The following KCNQ2 variants were observed in gnomAD, a reference collection of about 807,000 sequenced individuals.
KCNQ2 encodes the protein potassium voltage-gated channel subfamily Q member 2.
KCNQ2 carries 14 observed loss-of-function variants against 84.8 expected under a neutral mutation model. The observed-to-expected ratio is 0.17, with a 90% confidence interval of 0.11 to 0.26. The LOEUF is 0.26. Among genes scored for constraint, KCNQ2 ranks in the 10% least tolerant of loss-of-function variants. KCNQ2 has a pLI of 1.00. For missense variants in KCNQ2, 788 were observed against 1,254.0 expected (o/e 0.63, Z 5.61); for synonymous variants, 599 against 554.1 (o/e 1.08, Z -1.14).
At chr20:63,413,946 C>T (rs928261949) in intron 14 of KCNQ2, 142 bp downstream of exon 14, 3 of 696,002 alleles carry the variant, frequency 4.3e-6, no homozygotes, top group Non-Finnish European at 7.7e-6. Flanking sequence ...CAGGTCCACC[C>T]GTGTCTTAGC....
intron 1 of KCNQ2, among the ~76,000 whole-genome samples, chr20:63,455,082 T>C (rs575338558): frequency 6.6e-6 from 1 of 152,090 alleles, no homozygotes; most frequent in South Asian, 2.1e-4. Context: ...AGAGACTTCC[T>C]ACGGGAGAAT....
At chr20:63,421,259 C>T (rs547945645) in intron 11 of KCNQ2, among the ~76,000 whole-genome samples, 8 of 152,294 alleles carry the variant, frequency 5.3e-5, no homozygotes, top group African/African-American at 1.7e-4. Flanking sequence ...ACTGAAGCTC[C>T]GGCTGTCGCC....
At chr20:63,449,673 G>A (rs575261148) in intron 1 of KCNQ2, among the ~76,000 whole-genome samples, 5 of 152,298 alleles carry the variant, frequency 3.3e-5, no homozygotes, top group East Asian at 1.9e-4. Context: ...ACCAAAGGCC[G>A]AGCTCCACAG....
At chr20:63,437,444 T>C (rs1203832443) in intron 7 of KCNQ2, 1 of 152,208 alleles carries the variant, frequency 6.6e-6, no homozygotes, top group Non-Finnish European at 1.5e-5. Flanking sequence ...TAGTGGAAGA[T>C]AAATACACAC....
At position 63,446,749 on chromosome 20, in the gene KCNQ2, G is replaced by A. The variant is rs1381622639; in HGVS notation, c.385C>T (p.Leu129=). 1.2e-6 allele frequency: 2 copies of A among 1,612,378 alleles called. No individual in the cohort carries two copies. Among genetic ancestry groups the A allele is most frequent in the African/African-American group, 2.7e-5 (2 of 74,878 alleles). Residue 129 remains leucine (L), a splice_region_variant and synonymous_variant, in exon 2 of 17, where the codon CTG becomes TTG. Transcript: ENST00000359125. This position sits in a 1 kb window ranked among gnomAD's most constrained non-coding sequence, Gnocchi z 5.5. The part of the protein sequence containing the change: ...EKSSEGALYI[L]EIVTIVVFGV... ...CCCCGCCCTCCCTCGGGGCTCACCA[G>A]GATGTAGAGGGCCCCCTCCGAGCTC...
intron 4 of KCNQ2, among the ~76,000 whole-genome samples, chr20:63,443,370 TCACCACCATCATCAC>T (rs2081306126): frequency 2.6e-5 from 1 of 38,408 alleles, no homozygotes; most frequent in Admixed American, 2.4e-4. Flanking sequence ...ATCACCATCA[TCACCACCATCATCAC>T]CACCACCATC....
At chr20:63,436,828 A>G (rs536668823) in intron 7 of KCNQ2, among the ~76,000 whole-genome samples, 154 of 145,028 alleles carry the variant, frequency 1.1e-3, no homozygotes, top group African/African-American at 3.7e-3. Context: ...CCAGGCTGGA[A>G]TGCAGTGGCG....
At position 63,472,637 on chromosome 20, in the gene KCNQ2, C is replaced by G. The variant is rs1037508464; in HGVS notation, c.-174G>C. ...CGGAGACGCTGCGGCCACCTCGCTCCGCGCGCACCTCGGCGCCTGGCCCGC... is the reference window on the plus strand; with the variant it reads ...CGGAGACGCTGCGGCCACCTCGCTCGGCGCGCACCTCGGCGCCTGGCCCGC... On this transcript the variant is annotated 5_prime_UTR_variant, in exon 1 of 17. Transcript: ENST00000359125. 16 of 276,874 alleles carry G rather than the reference C, an allele frequency of 5.8e-5. No homozygotes were observed. The highest frequency in any genetic ancestry group is 8.1e-5 in the Non-Finnish European group (15 of 186,088). 17.2% of individuals were successfully genotyped at this position (276,874 alleles called of 1,614,324 possible).
At chr20:63,448,825 T>G (rs1021052457) in intron 1 of KCNQ2, among the ~76,000 whole-genome samples, 15 of 151,932 alleles carry the variant, frequency 9.9e-5, no homozygotes, top group Non-Finnish European at 1.9e-4. Flanking sequence ...GCCACAGGCA[T>G]GGGCATCCTG....
chr20:63,428,520 C>T, intron 9 of KCNQ2, 85 bp from the exon 10 acceptor site: 2 of 1,165,928 alleles, frequency 1.7e-6, no homozygotes, highest in Non-Finnish European at 2.5e-6. Flanking sequence ...GCTCCATGGG[C>T]AGGCGCCTGC....
intron 4 of KCNQ2, among the ~76,000 whole-genome samples, chr20:63,443,271 CCACCAT>C (rs1371053495): frequency 9.0e-4 from 21 of 23,362 alleles, no homozygotes; most frequent in African/African-American, 1.8e-3. Context: ...ACCATCATCA[CCACCAT>C]CACCATCACC....
At chr20:63,447,189 A>T (rs2081456264) in intron 1 of KCNQ2, among the ~76,000 whole-genome samples, 2 of 152,220 alleles carry the variant, frequency 1.3e-5, no homozygotes, top group South Asian at 4.2e-4. Context: ...ACTCTCAGTC[A>T]AATGGGAACA....
chr20:63,424,357 C>G (rs368911314), intron 10 of KCNQ2, 151 bp from the exon 11 acceptor site: 7 of 900,120 alleles, frequency 7.8e-6, no homozygotes, highest in African/African-American at 1.7e-5. Flanking sequence ...GCTGGCCCAC[C>G]CACCCCAGAG....
At position 63,438,005 on chromosome 20, in the gene KCNQ2, T is replaced by C. The variant is rs967477846; in HGVS notation, c.1023+620A>G. The stretch of plus-strand genomic sequence containing the variant: ...TTGTATTTTTAGGAGAGACAGGGTT[T>C]CACCATGTTGGCCAGGCTGGTCTTG... On this transcript the variant is annotated intron_variant, in intron 7 of 16. Transcript: ENST00000359125. The surrounding 1 kb of genome is among the most constrained non-coding windows in gnomAD (Gnocchi z 5.1). 1.3e-5 allele frequency among the ~76,000 whole-genome samples: 2 copies of C among 152,208 alleles called. No homozygotes were observed. The highest frequency in any genetic ancestry group is 4.8e-5 in the African/African-American group (2 of 41,452).
intron 1 of KCNQ2, among the ~76,000 whole-genome samples, chr20:63,452,360 C>T (rs1196366205): frequency 1.3e-5 from 2 of 152,228 alleles, no homozygotes; most frequent in Non-Finnish European, 2.9e-5. Flanking sequence ...TTCCATGTTG[C>T]GGTCTTGAGG....
At position 63,425,754 on chromosome 20, in the gene KCNQ2, C is replaced by T. The variant is rs114294579; in HGVS notation, c.1218-1548G>A. Among the ~76,000 whole-genome samples, 1,062 of 152,170 alleles carry T rather than the reference C, an allele frequency of 7.0e-3. 14 individuals are homozygous for T. The highest frequency in any genetic ancestry group is 0.024 in the African/African-American group (1,012 of 41,540). ...AAAAAGAAATCCCACCCATTCAAAACGTCCCAAATCCCATCCTCTGAAGTC... is the reference window on the plus strand; with the variant it reads ...AAAAAGAAATCCCACCCATTCAAAATGTCCCAAATCCCATCCTCTGAAGTC... On this transcript the variant is annotated intron_variant, in intron 10 of 16. Coordinates refer to ENST00000359125, the MANE Select transcript of KCNQ2 (RefSeq NM_172107.4). This position sits in a 1 kb window ranked among gnomAD's most constrained non-coding sequence, Gnocchi z 5.5.
In KCNQ2 at chr20:63,407,273, G is replaced by A. The variant is rs750771162; in HGVS notation, c.1990C>T (p.Pro664Ser). The change falls in exon 17 of 17, where the codon CCG (proline) becomes TCG (serine). Residue 664 changes from proline to serine, a missense_variant. Around this residue, in one of 8 missense-constraint regions of KCNQ2, gnomAD observed 378 missense variants for 434.5 expected, o/e 0.87. Coordinates refer to ENST00000359125, the MANE Select transcript of KCNQ2 (RefSeq NM_172107.4). The surrounding 1 kb of genome is among the most constrained non-coding windows in gnomAD (Gnocchi z 7.2). ...CTGTGGTACGGCGGCGCCGGCTCCG[G>A]CTCTTTGGCCCCAAAGTAGGCCTCG... ...ETEAYFGAKE[P>S]EPAPPYHSPE... 6.3e-7 allele frequency: 1 copy of A among 1,596,256 alleles called. No individual in the cohort carries two copies. The highest frequency in any genetic ancestry group is 1.1e-5 in the South Asian group (1 of 90,998).
chr20:63,412,184 G>C (rs2080140061), intron 15 of KCNQ2: 1 of 344,628 alleles, frequency 2.9e-6, no homozygotes, highest in African/African-American at 2.2e-5. Context: ...GCCGGTACCA[G>C]ACAGGCCGCG....
chr20:63,428,363 T>C lies in KCNQ2; in HGVS notation c.1217+4A>G. On this transcript the variant is annotated splice_donor_region_variant and intron_variant, in intron 10 of 16. Transcript: ENST00000359125. ...CCCGCCCCACCTGGAGCTCCCCAGC[T>C]GACCTGAAAGCGAGTCCAGATTTAC... The C allele has an allele frequency of 3.8e-6, 6 of 1,563,636 alleles. No homozygotes were observed. Among genetic ancestry groups the C allele is most frequent in the Non-Finnish European group, 5.2e-6 (6 of 1,153,336 alleles).
Sources: allele counts gnomAD v4.1 joint callset (sites outside exome capture counted in the v4.1 genomes callset), GRCh38; gene constraint gnomAD v4.1.1; regional missense constraint gnomAD v4.1.1; non-coding constraint Gnocchi (gnomAD v3.1); transcripts MANE v1.5; gene names NCBI Gene and HGNC (gene_info 2026-07-23, HGNC 2026-07-21).